The following ASAP1 variants were observed in gnomAD, a reference collection of about 807,000 sequenced individuals.
ASAP1 encodes the protein ArfGAP with SH3 domain, ankyrin repeat and PH domain 1.
Under a neutral mutation model 145.2 loss-of-function variants are expected in ASAP1, and 43 were observed. The ratio of observed to expected loss-of-function variants is 0.30; its 90% confidence interval spans 0.23 to 0.38. The LOEUF (loss-of-function observed/expected upper bound fraction) is 0.38. ASAP1 is among the 10% of genes least tolerant of loss of function. ASAP1 has a pLI of 1.00. For synonymous variants in ASAP1, 546 were observed against 515.5 expected, an observed-to-expected ratio of 1.06 and a Z score of -0.80; for missense variants, 1,018 against 1,355.3, an observed-to-expected ratio of 0.75 and a Z score of 3.91.
At chr8:130,157,516 T>C (rs531539352) in intron 12 of ASAP1, among the ~76,000 whole-genome samples, 1 of 152,296 alleles carries the variant, frequency 6.6e-6, no homozygotes, top group African/African-American at 2.4e-5. Flanking sequence ...TCACCCTCCA[T>C]GACTCTGCTT....
chr8:130,078,651 G>C (rs2097470538), intron 26 of ASAP1, among the ~76,000 whole-genome samples: 1 of 152,092 alleles, frequency 6.6e-6, no homozygotes, highest in Admixed American at 6.6e-5. Flanking sequence ...AAGAACACCA[G>C]AACTTTAGTT....
chr8:130,111,531 T>C (rs1157774646), intron 24 of ASAP1, among the ~76,000 whole-genome samples: 1 of 152,208 alleles, frequency 6.6e-6, no homozygotes, highest in Non-Finnish European at 1.5e-5. Context: ...AACTGCATAA[T>C]AGCACCTACC....
At chr8:130,428,449 CATT>C (rs1304075699) in intron 1 of ASAP1, among the ~76,000 whole-genome samples, 5 of 146,696 alleles carry the variant, frequency 3.4e-5, no homozygotes, top group Non-Finnish European at 6.0e-5. Context: ...CCACCACCAT[CATT>C]ATCACCATCA....
At chr8:130,249,282 C>T (rs1204135287) in intron 3 of ASAP1, among the ~76,000 whole-genome samples, 2 of 152,166 alleles carry the variant, frequency 1.3e-5, no homozygotes, top group Non-Finnish European at 2.9e-5. Flanking sequence ...TAAAGCCCTT[C>T]TCTGCCTCAC....
At chr8:130,292,009 G>A (rs1821975718) in intron 3 of ASAP1, among the ~76,000 whole-genome samples, 2 of 152,162 alleles carry the variant, frequency 1.3e-5, no homozygotes, top group South Asian at 4.1e-4. Flanking sequence ...TCTTTAAAAT[G>A]CTTTCCTAAA....
At chr8:130,120,987 C>T (rs1163141673) in intron 18 of ASAP1, among the ~76,000 whole-genome samples, 1 of 152,198 alleles carries the variant, frequency 6.6e-6, no homozygotes, top group East Asian at 1.9e-4. Context: ...TCTTTATCTG[C>T]TCCGTTTTTG....
chr8:130,224,008 G>A (rs887653703), intron 4 of ASAP1, among the ~76,000 whole-genome samples: 3 of 152,136 alleles, frequency 2.0e-5, no homozygotes, highest in Non-Finnish European at 2.9e-5. Context: ...CTCTTTCAAT[G>A]TAAGTGTAAC....
chr8:130,130,825 C>T (rs1438609957), intron 15 of ASAP1, among the ~76,000 whole-genome samples: 1 of 152,116 alleles, frequency 6.6e-6, no homozygotes, highest in South Asian at 2.1e-4. Flanking sequence ...GGGAAGATCG[C>T]TCTAGCCTAG....
intron 2 of ASAP1, among the ~76,000 whole-genome samples, chr8:130,364,435 C>T (rs769468775): frequency 6.6e-6 from 1 of 152,214 alleles, no homozygotes; most frequent in Non-Finnish European, 1.5e-5. Flanking sequence ...ATGTTATATG[C>T]ATGGGAAACC....
Position 130,116,928 on chromosome 8 carries a change from G to C in ASAP1, c.1948C>G (p.Pro650Ala). ...VLHYCSMYSKPECLKLLLRSK... is the reference protein window; with the variant it reads ...VLHYCSMYSKAECLKLLLRSK... ...CTGAGCAAAAGCTTCAAACACTCAG[G>C]TTTACTGTACATACTACAGTAGTGT... is the stretch of plus-strand genomic sequence containing the variant. The change falls in exon 21 of 30, where the codon CCT (proline) becomes GCT (alanine). Residue 650 changes from proline (P) to alanine (A), a missense_variant. By Grantham distance (27) the Pro-to-Ala change is conservative (BLOSUM62 -1). Around this residue, in one of 9 missense-constraint regions of ASAP1, gnomAD observed 353 missense variants for 375.4 expected, o/e 0.94. Transcript: ENST00000518721. The C allele has an allele frequency of 6.2e-7, 1 of 1,613,972 alleles. No individual in the cohort carries two copies. The highest frequency in any genetic ancestry group is 2.2e-5 in the East Asian group (1 of 44,878).
chr8:130,393,931 T>C (rs571462045), intron 2 of ASAP1, among the ~76,000 whole-genome samples: 10 of 152,382 alleles, frequency 6.6e-5, no homozygotes, highest in African/African-American at 2.2e-4. Context: ...TGGACACTTA[T>C]CACTTCCCCA....
intron 2 of ASAP1, among the ~76,000 whole-genome samples, chr8:130,400,706 G>A (rs935447303): frequency 6.6e-6 from 1 of 151,622 alleles, no homozygotes; most frequent in African/African-American, 2.4e-5. Flanking sequence ...CAGGAGAATG[G>A]CGTGAAGCCG....
At chr8:130,416,304 T>C (rs1829472699) in intron 1 of ASAP1, among the ~76,000 whole-genome samples, 1 of 152,164 alleles carries the variant, frequency 6.6e-6, no homozygotes, top group Non-Finnish European at 1.5e-5. Flanking sequence ...CGTCTCTTCC[T>C]CCTCTCCAGA....
At chr8:130,186,806 T>C (rs1179167064) in intron 7 of ASAP1, among the ~76,000 whole-genome samples, 2 of 152,300 alleles carry the variant, frequency 1.3e-5, no homozygotes, top group East Asian at 1.9e-4. Flanking sequence ...GAAGAGGTCA[T>C]ACATGCAAAA....
At chr8:130,068,652 A>C (rs1041692532) in intron 27 of ASAP1, among the ~76,000 whole-genome samples, 4 of 152,206 alleles carry the variant, frequency 2.6e-5, no homozygotes, top group African/African-American at 9.7e-5. Flanking sequence ...ACAGGAGGCT[A>C]TTCCTGCGGT....
chr8:130,117,217 A>G (rs1308226620), intron 20 of ASAP1, among the ~76,000 whole-genome samples: 1 of 152,232 alleles, frequency 6.6e-6, no homozygotes, highest in East Asian at 1.9e-4. Flanking sequence ...CTGTTTCTTA[A>G]CATTTACATG....
intron 1 of ASAP1, among the ~76,000 whole-genome samples, chr8:130,404,637 A>G (rs1023192106): frequency 6.6e-6 from 1 of 152,240 alleles, no homozygotes; most frequent in Non-Finnish European, 1.5e-5. Flanking sequence ...CAGCTGAGTT[A>G]GTATGGTAGA....
chr8:130,359,624 T>TTG (rs1401446217), intron 2 of ASAP1, among the ~76,000 whole-genome samples: 3 of 149,968 alleles, frequency 2.0e-5, no homozygotes, highest in Non-Finnish European at 3.0e-5. Flanking sequence ...CACTGTTTTT[T>TTG]TTTTTTTTTT....
rs999972533 is a variant in ASAP1, at chr8:130,116,895, G to T, written c.1981C>A (p.Pro661Thr). 6.8e-6 allele frequency: 11 copies of T among 1,613,530 alleles called. No homozygotes were observed. The highest frequency in any genetic ancestry group is 1.3e-5 in the African/African-American group (1 of 75,018). The change falls in exon 21 of 30, where the codon CCC (proline) becomes ACC (threonine). Residue 661 changes from proline (P) to threonine (T), a missense_variant. Around this residue, in one of 9 missense-constraint regions of ASAP1, gnomAD observed 353 missense variants for 375.4 expected, o/e 0.94. Coordinates refer to ENST00000518721, the MANE Select transcript of ASAP1 (RefSeq NM_018482.4). The stretch of plus-strand genomic sequence containing the variant: ...ACACTCTTACCTATATCCACAGTGG[G>T]CTTGCTCCTGAGCAAAAGCTTCAAA... ...ECLKLLLRSK[P>T]TVDIVNQAGE...
Sources: allele counts gnomAD v4.1 joint callset (sites outside exome capture counted in the v4.1 genomes callset), GRCh38; gene constraint gnomAD v4.1.1; regional missense constraint gnomAD v4.1.1; transcripts MANE v1.5; gene names NCBI Gene and HGNC (gene_info 2026-07-23, HGNC 2026-07-21).